MRTFA: variants seen among roughly 807,000 people sequenced by gnomAD.
The protein encoded by MRTFA is myocardin related transcription factor A, also known as myocardin-related transcription factor A.
In MRTFA, 20 loss-of-function variants were observed where a neutral mutation model predicts 83.5. The observed-to-expected ratio is 0.24, with a 90% CI of 0.17 to 0.35. The LOEUF is 0.35. Ranked by LOEUF, MRTFA falls within the 10% of genes least tolerant of loss-of-function variation. The probability of loss-of-function intolerance (pLI) is 1.00; values close to 1 mark genes in which losing one functional copy is unlikely to be tolerated. For synonymous variants in MRTFA, 659 were observed against 541.2 expected, an observed-to-expected ratio of 1.22 and a Z score of -3.02; for missense variants, 1,200 against 1,224.7, an observed-to-expected ratio of 0.98 and a Z score of 0.30.
chr22:40,515,470 G>C (rs1254873686), intron 3 of MRTFA, among the ~76,000 whole-genome samples: 2 of 151,888 alleles, frequency 1.3e-5, no homozygotes, highest in Non-Finnish European at 2.9e-5. Flanking sequence ...GAGTCAGGTG[G>C]ATCACTTGAG....
chr22:40,611,083 G>A (rs964569417), intron 1 of MRTFA, among the ~76,000 whole-genome samples: 3 of 151,800 alleles, frequency 2.0e-5, no homozygotes, highest in African/African-American at 7.3e-5. Flanking sequence ...GATTACACGC[G>A]TGTGCCACCA....
chr22:40,514,135 T>C (rs1432602401), intron 3 of MRTFA, among the ~76,000 whole-genome samples: 2 of 151,572 alleles, frequency 1.3e-5, no homozygotes, highest in Non-Finnish European at 2.9e-5. Context: ...GGCATGTACC[T>C]GCAGTCCCAT....
intron 4 of MRTFA, among the ~76,000 whole-genome samples, chr22:40,447,407 G>A (rs1169687815): frequency 2.6e-5 from 4 of 151,858 alleles, no homozygotes; most frequent in Admixed American, 6.6e-5. Flanking sequence ...GTAAAAAAAG[G>A]GAGTGAGCCC....
intron 4 of MRTFA, among the ~76,000 whole-genome samples, chr22:40,437,562 C>T (rs987487883): frequency 2.0e-5 from 3 of 152,012 alleles, no homozygotes; most frequent in African/African-American, 4.8e-5. Flanking sequence ...GAGTTCGAGA[C>T]GAGCCTGGCC....
chr22:40,618,772 T>C (rs1411565769), intron 1 of MRTFA, among the ~76,000 whole-genome samples: 1 of 152,034 alleles, frequency 6.6e-6, no homozygotes, highest in Admixed American at 6.5e-5. Flanking sequence ...AAGACCAGCC[T>C]GGCTAACACA....
chr22:40,600,065 G>T (rs1434194071), intron 1 of MRTFA, among the ~76,000 whole-genome samples: 1 of 151,324 alleles, frequency 6.6e-6, no homozygotes, highest in Non-Finnish European at 1.5e-5. Context: ...AATAAACTGT[G>T]GGGATTTTTT....
At chr22:40,422,423 T>C (rs372489143) in intron 9 of MRTFA, among the ~76,000 whole-genome samples, 13 of 152,052 alleles carry the variant, frequency 8.5e-5, no homozygotes, top group South Asian at 8.3e-4. Context: ...GAGAAGCACA[T>C]TGGAGGAACT....
intron 5 of MRTFA, among the ~76,000 whole-genome samples, chr22:40,432,595 T>C (rs576900488): frequency 4.7e-5 from 7 of 148,610 alleles, no homozygotes; most frequent in East Asian, 4.0e-4. Context: ...AAGACCAGCA[T>C]AGGATAAGAC....
intron 2 of MRTFA, among the ~76,000 whole-genome samples, chr22:40,572,345 C>A (rs899262128): frequency 6.6e-6 from 1 of 152,056 alleles, no homozygotes; most frequent in African/African-American, 2.4e-5. Flanking sequence ...TGCAGAGGTG[C>A]ACATCTATAG....
At chr22:40,479,250 C>T (rs1252888314) in intron 3 of MRTFA, among the ~76,000 whole-genome samples, 2 of 152,084 alleles carry the variant, frequency 1.3e-5, no homozygotes, top group African/African-American at 2.4e-5. Context: ...GACAAGATGG[C>T]GCCAGCTAAG....
chr22:40,498,274 T>TATATATATATA (rs1491515144), intron 3 of MRTFA, among the ~76,000 whole-genome samples: 2 of 37,776 alleles, frequency 5.3e-5, no homozygotes, highest in African/African-American at 2.3e-4. Context: ...TATATATATA[T>TATATATATATA]TTTTTTTTTT....
intron 4 of MRTFA, among the ~76,000 whole-genome samples, chr22:40,463,016 C>T (rs2053742589): frequency 6.6e-6 from 1 of 152,172 alleles, no homozygotes; most frequent in African/African-American, 2.4e-5. Context: ...CCTTTAAACA[C>T]AGTTTGTTTC....
rs1203081027 is a variant in MRTFA, at chr22:40,446,904, C to T, written c.308-11350G>A. 2.6e-5 allele frequency among the ~76,000 whole-genome samples: 4 copies of T among 152,228 alleles called. No individual in the cohort carries two copies. In the East Asian group the frequency reaches 5.8e-4, roughly 22 times the overall value. ...TTTAGTGTTGGGTTATTCATGTTTTCGTGGAGCTTATACTTAATTGAAGAA... is the reference window on the plus strand; with the variant it reads ...TTTAGTGTTGGGTTATTCATGTTTTTGTGGAGCTTATACTTAATTGAAGAA... On this transcript the variant is annotated intron_variant, in intron 4 of 14. Transcript: ENST00000355630.
Position 40,626,571 on chromosome 22 carries a change from C to A in MRTFA, c.-84+9907G>T, listed in dbSNP as rs138219860. Among the ~76,000 whole-genome samples, 11 of 152,258 alleles carry A rather than the reference C, an allele frequency of 7.2e-5. No individual in the cohort carries two copies. The South Asian group carries it at 2.3e-3, about 32-fold the overall frequency. ...CTGGAATTACAGGCGTGAGCCACCA[C>A]GCCCAGCCAACCCTTACTTTTAATT... On this transcript the variant is annotated intron_variant, in intron 1 of 14. Coordinates refer to ENST00000355630, the MANE Select transcript of MRTFA (RefSeq NM_020831.6).
At chr22:40,427,403 C>T (rs1179150864) in intron 7 of MRTFA, among the ~76,000 whole-genome samples, 1 of 152,156 alleles carries the variant, frequency 6.6e-6, no homozygotes, top group Non-Finnish European at 1.5e-5. Context: ...AATCAGGGCC[C>T]AAAGCCTAAT....
chr22:40,577,250 A>T (rs945540070), intron 2 of MRTFA, among the ~76,000 whole-genome samples: 15 of 150,800 alleles, frequency 9.9e-5, no homozygotes, highest in Admixed American at 7.3e-4. Flanking sequence ...AAAAAAAAAA[A>T]AAAAAAATTA....
intron 3 of MRTFA, among the ~76,000 whole-genome samples, chr22:40,468,602 A>G (rs1168904959): frequency 6.6e-6 from 1 of 152,240 alleles, no homozygotes; most frequent in East Asian, 1.9e-4. Context: ...AAATGACAAT[A>G]AACTTGGCCA....
chr22:40,518,780 G>C (rs2054805883), intron 3 of MRTFA, among the ~76,000 whole-genome samples: 2 of 112,452 alleles, frequency 1.8e-5, no homozygotes, highest in Non-Finnish European at 3.4e-5. Flanking sequence ...GGGCGACAGA[G>C]TGAGACTCTG....
chr22:40,434,703 C>G (rs1018430707), intron 5 of MRTFA, among the ~76,000 whole-genome samples: 1 of 152,158 alleles, frequency 6.6e-6, no homozygotes, highest in Non-Finnish European at 1.5e-5. Flanking sequence ...GCCTGGGTGA[C>G]AGAGTGAGAC....
Sources: gnomAD v4.1 joint callset for allele counts (sites outside exome capture counted in the v4.1 genomes callset) on GRCh38, gnomAD v4.1.1 for gene constraint, MANE v1.5 for transcripts, NCBI Gene and HGNC (gene_info 2026-07-23, HGNC 2026-07-21) for gene names.